Variants in EIF3L observed in about 807,000 individuals in gnomAD.
EIF3L encodes the protein eIEF associated protein HSPC021.
EIF3L carries 32 observed loss-of-function variants against 74.6 expected under a neutral mutation model. The ratio of observed to expected loss-of-function variants is 0.43; its 90% CI spans 0.32 to 0.58. The LOEUF is 0.58. Ranked by LOEUF, EIF3L falls within the 20% of genes least tolerant of loss-of-function variation. The probability of loss-of-function intolerance (pLI) is 0.06; values close to 1 mark genes in which losing one functional copy is unlikely to be tolerated. For missense variants in EIF3L, 474 were observed against 707.8 expected (o/e 0.67, Z 3.75); for synonymous variants, 256 against 254.4 (o/e 1.01, Z -0.06).
intron 11 of EIF3L, chr22:37,884,499 A>G (rs1175564723): frequency 6.6e-6 from 1 of 152,238 alleles, no homozygotes. Flanking sequence ...TTGCTTTAAA[A>G]TAAATACTCT....
intron 4 of EIF3L, 73 bp downstream of exon 4, chr22:37,855,717 G>A (rs1287537521): frequency 1.5e-6 from 2 of 1,314,376 alleles, no homozygotes; most frequent in Non-Finnish European, 2.2e-6. Context: ...GGAAGCTCAA[G>A]AGGGTCTGTG....
intron 7 of EIF3L, among the ~76,000 whole-genome samples, chr22:37,868,198 T>A (rs1303487824): frequency 6.9e-6 from 1 of 144,056 alleles, no homozygotes; most frequent in Non-Finnish European, 1.5e-5. Flanking sequence ...CACTGCAGTC[T>A]CCACCTCCTG....
chr22:37,875,373 G>A (rs1244119304), intron 9 of EIF3L, among the ~76,000 whole-genome samples: 2 of 151,098 alleles, frequency 1.3e-5, no homozygotes, highest in African/African-American at 4.9e-5. Flanking sequence ...ACAAGACTCT[G>A]TCCCAGAAAA....
chr22:37,860,739 A>T (rs1338371023), intron 5 of EIF3L, among the ~76,000 whole-genome samples: 1 of 152,134 alleles, frequency 6.6e-6, no homozygotes, highest in Non-Finnish European at 1.5e-5. Context: ...TGAAGTCATT[A>T]TCATCTCTTC....
chr22:37,861,423 C>T (rs755447710), intron 5 of EIF3L, among the ~76,000 whole-genome samples: 6 of 152,138 alleles, frequency 3.9e-5, no homozygotes, highest in African/African-American at 1.2e-4. Context: ...CTGTGGCTTA[C>T]GCCTGTAATC....
At position 37,850,060 on chromosome 22, in the gene EIF3L, AC is replaced by A; in HGVS notation, c.80del (p.Thr27LysfsTer21). 6.2e-7 allele frequency: 1 copy of A among 1,613,684 alleles called. No individual in the cohort carries two copies. The highest frequency in any genetic ancestry group is 2.2e-5 in the East Asian group (1 of 44,850). The stretch of plus-strand genomic sequence containing the variant: ...TTATCCCAGCGACTATGATATGCAC[AC>A]AGGTGAGACCACGGGTTAGGCTGGC... ...YAYPSDYDMH[T>X]GDPKQDLAYE... On this transcript the variant is annotated frameshift_variant and splice_region_variant, in exon 2 of 13. Transcript: ENST00000652021. LOFTEE classifies it high-confidence loss of function.
chr22:37,857,369 C>CAA (rs375301957), intron 4 of EIF3L, among the ~76,000 whole-genome samples: 10,140 of 54,626 alleles, frequency 0.19, 25 homozygotes, highest in East Asian at 0.32. Flanking sequence ...GACTGCGTCC[C>CAA]AAAAAAAAAA....
At chr22:37,885,683 A>C in intron 11 of EIF3L, 1 of 134,372 alleles carries the variant, frequency 7.4e-6, no homozygotes, top group Non-Finnish European at 1.6e-5. Context: ...TCACTTTGTC[A>C]CCCAAGCTGG....
At chr22:37,853,679 G>A (rs1019561986) in intron 3 of EIF3L, among the ~76,000 whole-genome samples, 2 of 152,178 alleles carry the variant, frequency 1.3e-5, no homozygotes, top group Admixed American at 1.3e-4. Flanking sequence ...TCAGCCAAGC[G>A]AAGTGGAGAT....
intron 11 of EIF3L, 175 bp from the exon 12 acceptor site, chr22:37,886,590 C>A: frequency 2.5e-6 from 1 of 406,530 alleles, no homozygotes. Context: ...AAAAGAAAAA[C>A]TCTCTAGAAA....
intron 2 of EIF3L, among the ~76,000 whole-genome samples, chr22:37,851,045 C>T (rs1214782412): frequency 6.6e-6 from 1 of 152,142 alleles, no homozygotes; most frequent in African/African-American, 2.4e-5. Flanking sequence ...ACTTCCTAGA[C>T]TTGGGAGAAG....
intron 7 of EIF3L, among the ~76,000 whole-genome samples, chr22:37,869,675 T>C (rs1415105306): frequency 6.6e-6 from 1 of 152,078 alleles, no homozygotes; most frequent in African/African-American, 2.4e-5. Flanking sequence ...CGACTCTGGT[T>C]GAGAGTGGTA....
intron 5 of EIF3L, among the ~76,000 whole-genome samples, chr22:37,859,921 A>G (rs1601759688): frequency 6.6e-6 from 1 of 152,086 alleles, no homozygotes; most frequent in South Asian, 2.1e-4. Context: ...CTGAGGCAGG[A>G]GAATCGCTTG....
chr22:37,885,364 T>C (rs1927265262), intron 11 of EIF3L: 1 of 152,176 alleles, frequency 6.6e-6, no homozygotes, highest in African/African-American at 2.4e-5. Context: ...CTCCTAAGAA[T>C]TGGCTATTTG....
Position 37,863,120 on chromosome 22 carries a change from TTA to T in EIF3L, c.505+83_505+84del. ...GCCTCCAGCTTTTTTTTTTTTTTTTTTAAATTAGCAGGATCTTAATGTGTAGG... is the reference window on the plus strand; with the variant it reads ...GCCTCCAGCTTTTTTTTTTTTTTTTTAATTAGCAGGATCTTAATGTGTAGG... On this transcript the variant is annotated intron_variant, in intron 6 of 12. Transcript: ENST00000652021. 3.0e-5 allele frequency: 37 copies of T among 1,226,802 alleles called. No homozygotes were observed. The East Asian group carries it at 3.1e-4, about 10-fold the overall frequency. 76.0% of individuals were successfully genotyped at this position (1,226,802 alleles called of 1,614,324 possible).
intron 10 of EIF3L, chr22:37,876,295 ATTTTTTTTTT>A (rs146250173): frequency 5.4e-5 from 6 of 110,444 alleles, no homozygotes; most frequent in South Asian, 5.8e-4. Context: ...ACACCGGCTA[ATTTTTTTTTT>A]TTTTTTTTTT....
In EIF3L at chr22:37,886,788, C is replaced by T. The variant is rs1927343341; in HGVS notation, c.1599C>T (p.Thr533=). 3.7e-6 allele frequency: 6 copies of T among 1,611,284 alleles called. No homozygotes were observed. Among genetic ancestry groups the T allele is most frequent in the Non-Finnish European group, 5.1e-6 (6 of 1,178,180 alleles). The stretch of plus-strand genomic sequence containing the variant: ...AGGACATGATCCACATCGCGGACAC[C>T]AAGGTCGCCAGGCGTTATGGGGATT... ...IDKDMIHIAD[T]KVARRYGDFF... is the part of the protein sequence containing the mutation. The change falls in exon 12 of 13, where the codon ACC becomes ACT. Residue 533 remains threonine, a synonymous_variant. Coordinates refer to ENST00000652021, the MANE Select transcript of EIF3L (RefSeq NM_016091.4).
intron 10 of EIF3L, chr22:37,877,212 T>G (rs1206505033): frequency 6.1e-6 from 1 of 164,740 alleles, no homozygotes; most frequent in Non-Finnish European, 1.3e-5. Flanking sequence ...CAAAGGTATT[T>G]GTGTATCTAA....
chr22:37,862,768 A>C (rs1601762575), intron 5 of EIF3L, among the ~76,000 whole-genome samples: 1 of 152,174 alleles, frequency 6.6e-6, no homozygotes, highest in South Asian at 2.1e-4. Context: ...TTGCTGTAGA[A>C]CCTAACCACG....
Sources: gnomAD v4.1 joint callset for allele counts (sites outside exome capture counted in the v4.1 genomes callset) on GRCh38, gnomAD v4.1.1 for gene constraint, MANE v1.5 for transcripts, NCBI Gene and HGNC (gene_info 2026-07-23, HGNC 2026-07-21) for gene names.